SLC9A9: variants seen among roughly 807,000 people sequenced by gnomAD.
SLC9A9 encodes the protein sodium/hydrogen exchanger 9.
In SLC9A9, 62 loss-of-function variants were observed where a neutral mutation model predicts 77.8. The ratio of observed to expected loss-of-function variants is 0.80; its 90% confidence interval spans 0.65 to 0.98. The LOEUF (loss-of-function observed/expected upper bound fraction) is 0.98, where lower values mean the gene tolerates loss of function less well. Ranked by LOEUF, SLC9A9 falls within the 50% of genes least tolerant of loss-of-function variation. SLC9A9 has a pLI of 0.00. For missense variants in SLC9A9, 775 were observed against 774.9 expected (o/e 1.00, Z 0.00); for synonymous variants, 320 against 283.5 (o/e 1.13, Z -1.29).
chr3:143,623,938 C>T (rs1028980995), intron 6 of SLC9A9, among the ~76,000 whole-genome samples: 4 of 152,060 alleles, frequency 2.6e-5, no homozygotes, highest in Admixed American at 1.3e-4. Flanking sequence ...GGGATACCAC[C>T]ACCGATCCCA....
At chr3:143,371,645 AAG>A (rs1376924398) in intron 13 of SLC9A9, among the ~76,000 whole-genome samples, 4 of 151,968 alleles carry the variant, frequency 2.6e-5, no homozygotes, top group African/African-American at 9.6e-5. Context: ...TTTAAAGACA[AAG>A]AGACAATAAA....
At chr3:143,724,315 A>G (rs1362992778) in intron 4 of SLC9A9, among the ~76,000 whole-genome samples, 1 of 152,138 alleles carries the variant, frequency 6.6e-6, no homozygotes, top group East Asian at 1.9e-4. Context: ...TTTGCCTTCC[A>G]CCATGATTGT....
intron 5 of SLC9A9, among the ~76,000 whole-genome samples, chr3:143,653,981 G>A (rs2038843990): frequency 6.6e-6 from 1 of 152,160 alleles, no homozygotes; most frequent in Non-Finnish European, 1.5e-5. Context: ...AGAGGTGACA[G>A]CACCCCAGAG....
intron 8 of SLC9A9, among the ~76,000 whole-genome samples, chr3:143,554,189 A>C (rs2036938289): frequency 1.3e-5 from 2 of 152,314 alleles, no homozygotes; most frequent in South Asian, 4.1e-4. Flanking sequence ...TAGGTAACAA[A>C]GAAGTGTTAC....
intron 6 of SLC9A9, among the ~76,000 whole-genome samples, chr3:143,648,882 G>A (rs1476976884): frequency 3.3e-5 from 5 of 152,164 alleles, no homozygotes; most frequent in Middle Eastern, 3.2e-3. Flanking sequence ...ACAGCCCTGG[G>A]AAATGCTGGC....
intron 5 of SLC9A9, among the ~76,000 whole-genome samples, chr3:143,690,774 A>C (rs778008434): frequency 8.5e-5 from 13 of 152,132 alleles, no homozygotes; most frequent in Non-Finnish European, 1.8e-4. Flanking sequence ...AAAATTAGTA[A>C]ATAAAGAGAA....
intron 12 of SLC9A9, among the ~76,000 whole-genome samples, chr3:143,462,815 T>C (rs563533750): frequency 6.6e-6 from 1 of 152,286 alleles, no homozygotes; most frequent in African/African-American, 2.4e-5. Context: ...ATTGCAGGCA[T>C]TGAGAATAAG....
At chr3:143,774,199 G>A (rs1356705739) in intron 4 of SLC9A9, among the ~76,000 whole-genome samples, 1 of 152,172 alleles carries the variant, frequency 6.6e-6, no homozygotes, top group Non-Finnish European at 1.5e-5. Context: ...TTTAAACTCA[G>A]CAAGATATAA....
chr3:143,303,831 C>T (rs1315129019), intron 14 of SLC9A9, among the ~76,000 whole-genome samples: 1 of 152,072 alleles, frequency 6.6e-6, no homozygotes, highest in Non-Finnish European at 1.5e-5. Context: ...CTCCCAAAAG[C>T]CAAAAAAGAC....
intron 14 of SLC9A9, among the ~76,000 whole-genome samples, chr3:143,288,601 G>A (rs576662269): frequency 6.6e-5 from 10 of 152,234 alleles, no homozygotes; most frequent in African/African-American, 9.6e-5. Flanking sequence ...TTGTAGGTAC[G>A]ATGATTTCAT....
At chr3:143,276,917 A>ATGAT (rs1410244984) in intron 14 of SLC9A9, among the ~76,000 whole-genome samples, 1 of 152,206 alleles carries the variant, frequency 6.6e-6, no homozygotes, top group Non-Finnish European at 1.5e-5. Context: ...CTGGTCAGGG[A>ATGAT]TGATTAAGTA....
intron 14 of SLC9A9, among the ~76,000 whole-genome samples, chr3:143,277,278 C>G (rs181817043): frequency 6.6e-6 from 1 of 152,202 alleles, no homozygotes; most frequent in African/African-American, 2.4e-5. Flanking sequence ...AAAGTCGAAA[C>G]CCAGTGTTTC....
At chr3:143,674,178 T>C (rs1227894234) in intron 5 of SLC9A9, among the ~76,000 whole-genome samples, 1 of 152,200 alleles carries the variant, frequency 6.6e-6, no homozygotes, top group Non-Finnish European at 1.5e-5. Context: ...TGTTTTGTTT[T>C]GTTTTGATAG....
chr3:143,368,105 T>C (rs959085266), intron 13 of SLC9A9, among the ~76,000 whole-genome samples: 1 of 152,188 alleles, frequency 6.6e-6, no homozygotes, highest in African/African-American at 2.4e-5. Flanking sequence ...TCCTCTGTTT[T>C]TCTGCGAAAC....
At chr3:143,597,160 G>A (rs2037767909) in intron 6 of SLC9A9, among the ~76,000 whole-genome samples, 1 of 152,198 alleles carries the variant, frequency 6.6e-6, no homozygotes, top group Non-Finnish European at 1.5e-5. Flanking sequence ...AGCAAGTTTG[G>A]TGCGCAGGCA....
intron 8 of SLC9A9, among the ~76,000 whole-genome samples, chr3:143,561,001 CA>C (rs2037075105): frequency 6.6e-6 from 1 of 152,042 alleles, no homozygotes; most frequent in African/African-American, 2.4e-5. Context: ...GTCAAAATGG[CA>C]AAACCCCGTC....
At chr3:143,666,993 T>C (rs1177878576) in intron 5 of SLC9A9, among the ~76,000 whole-genome samples, 1 of 152,146 alleles carries the variant, frequency 6.6e-6, no homozygotes, top group Non-Finnish European at 1.5e-5. Flanking sequence ...TTAAAGTTCA[T>C]ATGGAACCAA....
At chr3:143,773,777 C>A (rs190435611) in intron 4 of SLC9A9, among the ~76,000 whole-genome samples, 3 of 152,322 alleles carry the variant, frequency 2.0e-5, no homozygotes, top group Non-Finnish European at 4.4e-5. Flanking sequence ...AGCCACCACA[C>A]CTGGCCCTAA....
intron 6 of SLC9A9, among the ~76,000 whole-genome samples, chr3:143,582,651 C>A (rs1306382436): frequency 6.6e-6 from 1 of 152,144 alleles, no homozygotes; most frequent in Non-Finnish European, 1.5e-5. Context: ...AGGAGTGGGG[C>A]TAAAATGTTC....
Sources: gnomAD v4.1 joint callset for allele counts (sites outside exome capture counted in the v4.1 genomes callset) on GRCh38, gnomAD v4.1.1 for gene constraint, MANE v1.5 for transcripts, NCBI Gene and HGNC (gene_info 2026-07-23, HGNC 2026-07-21) for gene names.